Variants in CABIN1 observed in about 807,000 individuals in gnomAD.
CABIN1 encodes the protein calcineurin binding protein 1.
CABIN1 carries 133 observed loss-of-function variants against 227.7 expected under a neutral mutation model. The observed-to-expected ratio is 0.58, with a 90% CI of 0.51 to 0.67. CABIN1 has a LOEUF of 0.67. Ranked by LOEUF, CABIN1 falls within the 30% of genes least tolerant of loss-of-function variation. The pLI, the probability that CABIN1 is intolerant of heterozygous loss-of-function variation, is 0.00. For missense variants in CABIN1, 2,408 were observed against 2,852.5 expected (o/e 0.84, Z 3.55); for synonymous variants, 1,086 against 1,155.1 (o/e 0.94, Z 1.21).
At position 24,177,465 on chromosome 22, in the gene CABIN1, C is replaced by G; in HGVS notation, c.6206-39C>G. 1 of 1,484,404 alleles carries G rather than the reference C, an allele frequency of 6.7e-7. No homozygotes were observed. The highest frequency in any genetic ancestry group is 2.2e-5 in the Admixed American group (1 of 45,764). The allele number at this position is 1,484,404 out of a possible 1,614,324, so 92.0% of individuals were successfully genotyped here. ...GAGATAAAGTGCTCACTGTGTGATG[C>G]GGCAGGCAGGAAGTGCTCTTGGTAC... On this transcript the variant is annotated intron_variant, in intron 35 of 36. Transcript: ENST00000263119. The surrounding 1 kb of genome is among the most constrained non-coding windows in gnomAD (Gnocchi z 4.4).
intron 28 of CABIN1, 22 bp downstream of exon 28, chr22:24,119,720 G>T: frequency 6.2e-7 from 1 of 1,608,962 alleles, no homozygotes; most frequent in Non-Finnish European, 8.5e-7. Context: ...CCGGGCCAAG[G>T]GGGCTTGGAT....
chr22:24,118,343 G>A (rs1221000279), intron 27 of CABIN1, among the ~76,000 whole-genome samples: 2 of 152,148 alleles, frequency 1.3e-5, no homozygotes, highest in African/African-American at 4.8e-5. Context: ...AATAGTGATG[G>A]TGGGCAACCT....
chr22:24,019,680 G>A (rs1331463110), intron 1 of CABIN1, among the ~76,000 whole-genome samples: 3 of 122,904 alleles, frequency 2.4e-5, no homozygotes, highest in Admixed American at 9.2e-5. Flanking sequence ...TTTTTGAGAC[G>A]GAGTTTCGCC....
intron 34 of CABIN1, chr22:24,173,476 T>C (rs947471627): frequency 6.6e-6 from 1 of 152,118 alleles, no homozygotes; most frequent in Non-Finnish European, 1.5e-5. Flanking sequence ...TCCCTTTGGG[T>C]CAGAACCTGT....
chr22:24,094,889 G>A (rs1005185024), intron 24 of CABIN1, among the ~76,000 whole-genome samples: 2 of 151,054 alleles, frequency 1.3e-5, no homozygotes, highest in East Asian at 3.9e-4. Flanking sequence ...ACTCTGTCCT[G>A]ACAAAAATTC....
intron 31 of CABIN1, 50 bp downstream of exon 31, chr22:24,165,676 A>C (rs2046404443): frequency 6.7e-7 from 1 of 1,498,292 alleles, no homozygotes; most frequent in Non-Finnish European, 9.2e-7. Context: ...ACACGCTTCC[A>C]AGCCCTTCCC....
intron 29 of CABIN1, among the ~76,000 whole-genome samples, chr22:24,152,037 T>G (rs2045515479): frequency 6.6e-6 from 1 of 152,196 alleles, no homozygotes; most frequent in South Asian, 2.1e-4. Context: ...CTTTTCCCCT[T>G]CAGTAGGGCA....
rs747205667 is a variant in CABIN1, at chr22:24,084,636, C to G, written c.2968C>G (p.Leu990Val). The G allele has an allele frequency of 1.2e-6, 2 of 1,614,100 alleles. No individual in the cohort carries two copies. Among genetic ancestry groups the G allele is most frequent in the Admixed American group, 1.7e-5 (1 of 60,008 alleles). The change falls in exon 21 of 37, where the codon CTT becomes GTT. Residue 990 changes from leucine (L) to valine (V), a missense_variant. Physicochemically the swap from Leu to Val is conservative, Grantham distance 32. This residue lies in a region of CABIN1 where 649 missense variants were observed against 910.3 expected (regional missense o/e 0.71). Coordinates refer to ENST00000263119, the MANE Select transcript of CABIN1 (RefSeq NM_012295.4). ...FMFEYFKPKT[L>V]PEFDSYKTST... The stretch of plus-strand genomic sequence containing the variant: ...GTTTGAGTATTTTAAGCCCAAGACC[C>G]TTCCTGAATTTGACAGCTATAAGAC...
At chr22:24,120,825 A>G (rs2043367492) in intron 28 of CABIN1, among the ~76,000 whole-genome samples, 1 of 152,234 alleles carries the variant, frequency 6.6e-6, no homozygotes, top group South Asian at 2.1e-4. Context: ...AACAAAAATA[A>G]TAAATAAAAA....
At chr22:24,073,249 T>C (rs1797502434) in intron 18 of CABIN1, among the ~76,000 whole-genome samples, 1 of 152,338 alleles carries the variant, frequency 6.6e-6, no homozygotes, top group South Asian at 2.1e-4. Context: ...TAGATCTTTT[T>C]TTTTTTCCAT....
intron 25 of CABIN1, among the ~76,000 whole-genome samples, chr22:24,096,669 C>T (rs991624727): frequency 6.6e-5 from 10 of 152,170 alleles, no homozygotes; most frequent in Non-Finnish European, 1.3e-4. Context: ...GCCCCATCCT[C>T]AGGGGCAAGT....
intron 11 of CABIN1, 103 bp downstream of exon 11, chr22:24,059,466 T>C: frequency 7.2e-7 from 1 of 1,386,286 alleles, no homozygotes; most frequent in East Asian, 2.4e-5. Flanking sequence ...GGGGTGTTTT[T>C]TAGTGTGGCC....
In CABIN1 at chr22:24,064,915, T is replaced by A. The variant is rs1382010116; in HGVS notation, c.2037+728T>A. ...AAATGAAAAGTCTCCCATGTCTACT[T>A]CTTTCTACACAGACACAGCAACCAT... On this transcript the variant is annotated intron_variant, in intron 15 of 36. Transcript: ENST00000263119. Among the ~76,000 whole-genome samples, 38 of 151,262 alleles carry A rather than the reference T, an allele frequency of 2.5e-4. No homozygotes were observed. The South Asian group carries it at 3.8e-3, about 15-fold the overall frequency.
intron 1 of CABIN1, among the ~76,000 whole-genome samples, chr22:24,028,182 C>T (rs535513565): frequency 6.6e-6 from 1 of 152,250 alleles, no homozygotes; most frequent in African/African-American, 2.4e-5. Flanking sequence ...AAAATGCTGA[C>T]ACAGAAACCC....
In CABIN1 at chr22:24,171,935, C is replaced by T. The variant is rs774942638; in HGVS notation, c.5980C>T (p.Pro1994Ser). The change falls in exon 34 of 37, where the codon CCT becomes TCT. Residue 1994 changes from proline to serine, a missense_variant. Pro to Ser is a moderately conservative substitution (Grantham distance 74). Around this residue, in one of 3 missense-constraint regions of CABIN1, gnomAD observed 714 missense variants for 773.8 expected, o/e 0.92. Transcript: ENST00000263119. ...TTCCACCCTGGACCAGTCCAAGGAC[C>T]CTGGGCCTCCCCGGCCACACAGGCC... ...SASTLDQSKD[P>S]GPPRPHRPEA... 146 of 1,613,850 alleles carry T rather than the reference C, an allele frequency of 9.0e-5. No individual in the cohort carries two copies. The South Asian group carries it at 1.6e-3, about 17-fold the overall frequency.
chr22:24,167,753 A>G (rs2046539317), intron 32 of CABIN1, among the ~76,000 whole-genome samples: 1 of 152,120 alleles, frequency 6.6e-6, no homozygotes, highest in Admixed American at 6.5e-5. Context: ...AGAATCTCCA[A>G]AACTTTAGTG....
At chr22:24,112,322 T>C (rs1602147479) in intron 26 of CABIN1, among the ~76,000 whole-genome samples, 1 of 152,074 alleles carries the variant, frequency 6.6e-6, no homozygotes, top group Admixed American at 6.5e-5. Context: ...CTGGCTTGGG[T>C]TTTGTTGTTG....
At chr22:24,019,865 C>A (rs1202510713) in intron 1 of CABIN1, among the ~76,000 whole-genome samples, 1 of 151,666 alleles carries the variant, frequency 6.6e-6, no homozygotes, top group East Asian at 2.0e-4. Flanking sequence ...CCATGTTGGT[C>A]AGGCTGGTCT....
At chr22:24,020,581 A>G (rs2035648611) in intron 1 of CABIN1, among the ~76,000 whole-genome samples, 1 of 152,192 alleles carries the variant, frequency 6.6e-6, no homozygotes, top group African/African-American at 2.4e-5. Context: ...CTGGGATTAT[A>G]GGCAGATTAC....
Sources: allele counts gnomAD v4.1 joint callset (sites outside exome capture counted in the v4.1 genomes callset), GRCh38; gene constraint gnomAD v4.1.1; regional missense constraint gnomAD v4.1.1; non-coding constraint Gnocchi (gnomAD v3.1); transcripts MANE v1.5; gene names NCBI Gene and HGNC (gene_info 2026-07-23, HGNC 2026-07-21).